The following SPRY3 variants were observed in gnomAD, a reference collection of about 807,000 sequenced individuals.
SPRY3 encodes sprouty RTK signaling antagonist 3, also known as protein sprouty homolog 3.
A neutral mutation model predicts 20.2 loss-of-function variants in SPRY3; 15 were observed. That is an observed-to-expected ratio of 0.74 (90% CI 0.50 to 1.14). SPRY3 has a LOEUF of 1.14. SPRY3 is among the 50% of genes most tolerant of loss of function. SPRY3 has a pLI of 0.00. For synonymous variants in SPRY3, 143 were observed against 136.5 expected, an observed-to-expected ratio of 1.05 and a Z score of -0.33; for missense variants, 364 against 363.9, an observed-to-expected ratio of 1.00 and a Z score of 0.00.
intron 1 of SPRY3, among the ~76,000 whole-genome samples, chrX:155,634,777 T>C (rs889277543): frequency 5.5e-5 from 6 of 109,667 alleles, no homozygotes; most frequent in African/African-American, 1.7e-4. Flanking sequence ...ATCAAATACC[T>C]GTGAGTTGGG....
At chrX:155,773,937 T>C in exon 4 of SPRY3, 3 of 1,613,974 alleles carry the variant, frequency 1.9e-6, no homozygotes, top group Non-Finnish European at 2.5e-6. Flanking sequence ...GCTCTACTCA[T>C]GCTAGCAATG....
At position 155,649,017 on chromosome X, in the gene SPRY3, A is replaced by G. The variant is rs782186364; in HGVS notation, c.-440-7850A>G. Among the ~76,000 whole-genome samples the G allele has an allele frequency of 3.6e-5, 4 of 112,142 alleles. No individual in the cohort carries two copies. In the East Asian group the frequency reaches 1.1e-3, roughly 31 times the overall value. On this transcript the variant is annotated intron_variant, in intron 1 of 3. Transcript: ENST00000675360. ...TCTATGCAAATAAACTAGAAAATCT[A>G]GAAGAAATGGATACATTCCTGAACA...
chrX:155,680,218 GA>G (rs2068070514), intron 2 of SPRY3, among the ~76,000 whole-genome samples: 1 of 101,717 alleles, frequency 9.8e-6, no homozygotes, highest in African/African-American at 3.7e-5. Flanking sequence ...GAGAGAGAGA[GA>G]AGAGAAGAGA....
At chrX:155,754,900 A>G (rs761270221) in intron 2 of SPRY3, among the ~76,000 whole-genome samples, 1 of 152,132 alleles carries the variant, frequency 6.6e-6, no homozygotes, top group African/African-American at 2.4e-5. Flanking sequence ...TTGCTAGTGT[A>G]TAGATATACA....
At position 155,770,742 on chromosome X, in the gene SPRY3, T is replaced by C. The variant is rs182038778; in HGVS notation, c.-107+2606T>C. 2.0e-5 allele frequency among the ~76,000 whole-genome samples: 3 copies of C among 152,274 alleles called. No individual in the cohort carries two copies. The East Asian group carries it at 5.8e-4, about 29-fold the overall frequency. Reference sequence around the variant, plus strand: ...AATGGCTCTTTAGTGGGTGGATTTCTGAATCATAAACATTCACGTAGTGGT... The same window carrying C: ...AATGGCTCTTTAGTGGGTGGATTTCCGAATCATAAACATTCACGTAGTGGT... On this transcript the variant is annotated intron_variant, in intron 3 of 3. Coordinates refer to ENST00000675360, the Ensembl canonical transcript of SPRY3.
Position 155,774,686 on chromosome X carries a change from AG to A in SPRY3, c.816del (p.Ile273SerfsTer46), listed in dbSNP as rs746788106. ...AGGCACACCAACACTGTGTGCAGAA[AG>A]ATCTCTTCTGGTAGTGCACCCTTCC... is the stretch of plus-strand genomic sequence containing the variant. On this transcript the variant is annotated frameshift_variant, in exon 4 of 4. Transcript: ENST00000675360. LOFTEE classifies it high-confidence loss of function. The A allele has an allele frequency of 6.2e-7, 1 of 1,613,966 alleles. No homozygotes were observed. The highest frequency in any genetic ancestry group is 8.5e-7 in the Non-Finnish European group (1 of 1,179,846).
chrX:155,716,780 A>G (rs1305078729), intron 2 of SPRY3, among the ~76,000 whole-genome samples: 1 of 151,280 alleles, frequency 6.6e-6, no homozygotes. Context: ...TGATTCGACA[A>G]AATATGTGTT....
At chrX:155,753,651 A>T (rs1427562415) in intron 2 of SPRY3, among the ~76,000 whole-genome samples, 1 of 151,868 alleles carries the variant, frequency 6.6e-6, no homozygotes, top group African/African-American at 2.4e-5. Flanking sequence ...GAAAATTCCA[A>T]ACTGTCTTCC....
chrX:155,767,303 C>T (rs900513655), intron 2 of SPRY3, among the ~76,000 whole-genome samples: 1 of 151,974 alleles, frequency 6.6e-6, no homozygotes, highest in Non-Finnish European at 1.5e-5. Flanking sequence ...AACCCATTCA[C>T]AAGACCTCCA....
At chrX:155,616,103 TCTCTCTCTCTCTCTCTCTCTCTCTCTC>T (rs1250498573) in intron 1 of SPRY3, among the ~76,000 whole-genome samples, 686 of 46,710 alleles carry the variant, frequency 0.015, 6 homozygotes, top group African/African-American at 0.031. Context: ...ATCTGGGGTC[TCTCTCTCTCTCTCTCTCTCTCTCTCTC>T]CTCTCTCTCT....
intron 2 of SPRY3, among the ~76,000 whole-genome samples, chrX:155,720,774 C>G (rs896733994): frequency 3.3e-5 from 5 of 151,952 alleles, no homozygotes; most frequent in Admixed American, 3.3e-4. Context: ...GATCACAACC[C>G]CCAAGTCTTA....
At chrX:155,759,379 A>G (rs1290960387) in intron 2 of SPRY3, among the ~76,000 whole-genome samples, 1 of 152,028 alleles carries the variant, frequency 6.6e-6, no homozygotes, top group Admixed American at 6.6e-5. Context: ...CTCCTCAATT[A>G]CTGCATTAGG....
At chrX:155,733,299 C>A (rs2091146403) in intron 2 of SPRY3, among the ~76,000 whole-genome samples, 1 of 150,554 alleles carries the variant, frequency 6.6e-6, no homozygotes, top group Admixed American at 6.7e-5. Context: ...ACTATATATA[C>A]ACATAGTAGG....
At chrX:155,771,694 C>A (rs2124004132) in intron 3 of SPRY3, among the ~76,000 whole-genome samples, 1 of 152,238 alleles carries the variant, frequency 6.6e-6, no homozygotes, top group Non-Finnish European at 1.5e-5. Context: ...TGGGTGTCTA[C>A]ATGAAAGCTG....
At chrX:155,677,812 T>C (rs2068062418) in intron 2 of SPRY3, among the ~76,000 whole-genome samples, 1 of 111,753 alleles carries the variant, frequency 8.9e-6, no homozygotes, top group Non-Finnish European at 1.9e-5. Flanking sequence ...TGCTCCATTG[T>C]GTATCTGGGG....
intron 2 of SPRY3, among the ~76,000 whole-genome samples, chrX:155,742,445 A>G (rs2091208280): frequency 6.6e-6 from 1 of 152,162 alleles, no homozygotes; most frequent in Non-Finnish European, 1.5e-5. Context: ...AAGATGGAAA[A>G]TTAAGAAAGA....
intron 1 of SPRY3, among the ~76,000 whole-genome samples, chrX:155,653,360 A>G (rs995341530): frequency 1.3e-4 from 15 of 111,789 alleles, no homozygotes; most frequent in Non-Finnish European, 2.6e-4. Context: ...TTCTTCTAAT[A>G]TTGGTACAGT....
intron 2 of SPRY3, among the ~76,000 whole-genome samples, chrX:155,767,356 ACACACTGC>A (rs1410561413): frequency 1.3e-5 from 2 of 152,078 alleles, no homozygotes; most frequent in East Asian, 3.9e-4. Flanking sequence ...GCTAAGCTGA[ACACACTGC>A]CAACTCACTC....
chrX:155,692,195 A>AAAAAAG (rs2068104965), intron 2 of SPRY3, among the ~76,000 whole-genome samples: 1 of 110,865 alleles, frequency 9.0e-6, no homozygotes, highest in African/African-American at 3.3e-5. Context: ...TATATTTTAC[A>AAAAAAG]TTTAGCTCCC....
Sources: gnomAD v4.1 joint callset for allele counts (sites outside exome capture counted in the v4.1 genomes callset) on GRCh38, gnomAD v4.1.1 for gene constraint, MANE v1.5 for transcripts, NCBI Gene and HGNC (gene_info 2026-07-23, HGNC 2026-07-21) for gene names.